Variants in TAS2R1 observed in about 807,000 individuals in gnomAD.
TAS2R1 encodes taste receptor type 2 member 1.
For missense variants in TAS2R1, 370 were observed against 353.4 expected (o/e 1.05, Z -0.38); for synonymous variants, 141 against 134.2 (o/e 1.05, Z -0.35).
At chr5:9,750,377 C>T in the TAS2R1 span, among the ~76,000 whole-genome samples, 2 of 152,122 alleles carry the variant, frequency 1.3e-5, no homozygotes, top group Non-Finnish European at 2.9e-5. Flanking sequence ...CCAGCCTAGT[C>T]CCTTTAGTAA....
At chr5:9,672,275 A>T (rs1740781978) in intron 1 of TAS2R1, among the ~76,000 whole-genome samples, 1 of 152,130 alleles carries the variant, frequency 6.6e-6, no homozygotes, top group African/African-American at 2.4e-5. Flanking sequence ...TGCAACAAAA[A>T]CAAGAATTGA....
chr5:9,691,715 C>T (rs1023697623), intron 1 of TAS2R1, among the ~76,000 whole-genome samples: 46 of 152,158 alleles, frequency 3.0e-4, no homozygotes, highest in Non-Finnish European at 3.4e-4. Context: ...TAAGGACAGG[C>T]GGAACCCTTA....
At chr5:9,742,010 C>T in the TAS2R1 span, among the ~76,000 whole-genome samples, 2 of 152,294 alleles carry the variant, frequency 1.3e-5, no homozygotes, top group East Asian at 1.9e-4. Flanking sequence ...ATTCTCCTGC[C>T]TCAGCCTCCC....
At chr5:9,829,826 C>G in the TAS2R1 span, among the ~76,000 whole-genome samples, 2 of 151,794 alleles carry the variant, frequency 1.3e-5, no homozygotes, top group African/African-American at 2.4e-5. Flanking sequence ...AAACCACAGG[C>G]AGTGTACCCC....
At chr5:9,728,161 A>C in the TAS2R1 span, among the ~76,000 whole-genome samples, 1 of 152,074 alleles carries the variant, frequency 6.6e-6, no homozygotes, top group Non-Finnish European at 1.5e-5. Context: ...CATTTCTACC[A>C]CCCCAATAGA....
the TAS2R1 span, among the ~76,000 whole-genome samples, chr5:9,790,439 G>A: frequency 8.5e-5 from 13 of 152,108 alleles, no homozygotes; most frequent in Middle Eastern, 6.3e-3. Context: ...AACTGGGGCC[G>A]AGTCTACCCA....
At chr5:9,689,951 A>C (rs1162528837) in intron 1 of TAS2R1, among the ~76,000 whole-genome samples, 1 of 152,196 alleles carries the variant, frequency 6.6e-6, no homozygotes, top group African/African-American at 2.4e-5. Flanking sequence ...ATTTAACACT[A>C]AATGTTGAAA....
the TAS2R1 span, among the ~76,000 whole-genome samples, chr5:9,841,183 C>T: frequency 6.6e-6 from 1 of 152,156 alleles, no homozygotes; most frequent in African/African-American, 2.4e-5. Context: ...CAAGGGTTAT[C>T]TCTTTGTCAT....
At chr5:9,759,098 C>T in the TAS2R1 span, among the ~76,000 whole-genome samples, 2 of 152,190 alleles carry the variant, frequency 1.3e-5, no homozygotes, top group African/African-American at 2.4e-5. Flanking sequence ...CACAAAACAT[C>T]GTATCTGTCA....
chr5:9,837,631 TG>T, the TAS2R1 span, among the ~76,000 whole-genome samples: 1 of 152,210 alleles, frequency 6.6e-6, no homozygotes, highest in Non-Finnish European at 1.5e-5. Flanking sequence ...CCAGACTTCT[TG>T]CCTCCTGCTT....
At chr5:9,854,739 G>T in the TAS2R1 span, among the ~76,000 whole-genome samples, 1 of 152,120 alleles carries the variant, frequency 6.6e-6, no homozygotes, top group African/African-American at 2.4e-5. Flanking sequence ...AAACAGGGAA[G>T]GTTAAATAAA....
chr5:9,780,302 C>T, the TAS2R1 span, among the ~76,000 whole-genome samples: 1 of 152,192 alleles, frequency 6.6e-6, no homozygotes, highest in Non-Finnish European at 1.5e-5. Context: ...ACTCATTTTC[C>T]TCATGTTCCA....
chr5:9,692,667 T>C (rs1218773375), intron 1 of TAS2R1, among the ~76,000 whole-genome samples: 1 of 152,146 alleles, frequency 6.6e-6, no homozygotes, highest in East Asian at 1.9e-4. Context: ...GGCATTGTCT[T>C]CATGACATAA....
At chr5:9,724,951 C>T in the TAS2R1 span, among the ~76,000 whole-genome samples, 1 of 152,234 alleles carries the variant, frequency 6.6e-6, no homozygotes, top group Non-Finnish European at 1.5e-5. Context: ...CCTGGAAATA[C>T]TGGAGGCATT....
At chr5:9,886,277 C>T in the TAS2R1 span, among the ~76,000 whole-genome samples, 14 of 151,168 alleles carry the variant, frequency 9.3e-5, no homozygotes, top group East Asian at 2.5e-3. Context: ...GGCAATTCAC[C>T]GGCCTCAGCC....
the TAS2R1 span, among the ~76,000 whole-genome samples, chr5:9,738,878 C>T: frequency 6.6e-6 from 1 of 152,104 alleles, no homozygotes; most frequent in Non-Finnish European, 1.5e-5. Context: ...TATGTTAAGG[C>T]TTGAATTTAA....
chr5:9,868,082 C>T, the TAS2R1 span, among the ~76,000 whole-genome samples: 15 of 152,216 alleles, frequency 9.9e-5, no homozygotes, highest in African/African-American at 3.4e-4. Context: ...TGGCTGCTTT[C>T]ACAGGCTGGC....
chr5:9,827,276 C>T, the TAS2R1 span, among the ~76,000 whole-genome samples: 1 of 152,112 alleles, frequency 6.6e-6, no homozygotes, highest in Non-Finnish European at 1.5e-5. Context: ...AATCCCAATC[C>T]TCTCAATTCT....
chr5:9,817,740 GA>G, the TAS2R1 span, among the ~76,000 whole-genome samples: 1 of 152,116 alleles, frequency 6.6e-6, no homozygotes, highest in African/African-American at 2.4e-5. Context: ...CCTGAAACTG[GA>G]AAATGTATAA....
Sources: allele counts gnomAD v4.1 joint callset (sites outside exome capture counted in the v4.1 genomes callset), GRCh38; gene constraint gnomAD v4.1.1; transcripts MANE v1.5; gene names NCBI Gene and HGNC (gene_info 2026-07-23, HGNC 2026-07-21).